TENT2: variants seen among roughly 807,000 people sequenced by gnomAD.
The protein encoded by TENT2 is poly(A) RNA polymerase GLD2.
In TENT2, 44 loss-of-function variants were observed where a neutral mutation model predicts 72.2. The ratio of observed to expected loss-of-function variants is 0.61; its 90% CI spans 0.48 to 0.78. TENT2 has a LOEUF of 0.78. Among genes scored for constraint, TENT2 ranks in the 30% least tolerant of loss-of-function variants. TENT2 has a pLI of 0.00. For missense variants in TENT2, 541 were observed against 569.6 expected (o/e 0.95, Z 0.51); for synonymous variants, 212 against 192.5 (o/e 1.10, Z -0.84).
In TENT2 at chr5:79,623,306, T is replaced by A; in HGVS notation, c.282T>A (p.His94Gln). 3 of 1,613,562 alleles carry A rather than the reference T, an allele frequency of 1.9e-6. No individual in the cohort carries two copies. The highest frequency in any genetic ancestry group is 2.5e-6 in the Non-Finnish European group (3 of 1,179,690). ...LPLDGKRQRFHSPHQEPTVVN... is the reference protein window; with the variant it reads ...LPLDGKRQRFQSPHQEPTVVN... Reference sequence around the variant, plus strand: ...TTGACGGTAAACGGCAACGTTTCCATTCACCCCACCAAGAGCCAACTGTAG... The same window carrying A: ...TTGACGGTAAACGGCAACGTTTCCAATCACCCCACCAAGAGCCAACTGTAG... Residue 94 changes from histidine (H) to glutamine (Q), a missense_variant, in exon 4 of 15, where the codon CAT becomes CAA. Physicochemically the swap from His to Gln is conservative, Grantham distance 24. Coordinates refer to ENST00000453514, the MANE Select transcript of TENT2 (RefSeq NM_001114394.3).
chr5:79,620,377 C>G (rs952432499), intron 3 of TENT2, among the ~76,000 whole-genome samples: 6 of 152,256 alleles, frequency 3.9e-5, no homozygotes, highest in Non-Finnish European at 7.4e-5. Flanking sequence ...CTCAGAAAAC[C>G]ACTTTTTAAT....
At chr5:79,628,447 C>G (rs531948605) in intron 4 of TENT2, among the ~76,000 whole-genome samples, 1 of 152,082 alleles carries the variant, frequency 6.6e-6, no homozygotes, top group East Asian at 1.9e-4. Flanking sequence ...TTAAATTCAC[C>G]CTGAAGATGG....
At chr5:79,623,518 C>T (rs757337866) in intron 4 of TENT2, 29 bp downstream of exon 4, 14 of 1,464,146 alleles carry the variant, frequency 9.6e-6, no homozygotes, top group Admixed American at 2.1e-5. Flanking sequence ...TTAGTTTTGC[C>T]TTTTGGGAAT....
chr5:79,657,188 G>A (rs1798559132), intron 11 of TENT2, among the ~76,000 whole-genome samples, 187 bp downstream of exon 11: 1 of 151,914 alleles, frequency 6.6e-6, no homozygotes, highest in Admixed American at 6.5e-5. Flanking sequence ...TTGTTATTTT[G>A]TTATTGGCAG....
Position 79,641,110 on chromosome 5 carries a change from A to G in TENT2, c.586A>G (p.Arg196Gly). The G allele has an allele frequency of 6.4e-7, 1 of 1,572,266 alleles. No individual in the cohort carries two copies. Among genetic ancestry groups the G allele is most frequent in the Non-Finnish European group, 8.6e-7 (1 of 1,168,216 alleles). The change falls in exon 6 of 15, where the codon AGA becomes GGA. Residue 196 changes from arginine (R) to glycine (G), a missense_variant. Coordinates refer to ENST00000453514, the MANE Select transcript of TENT2 (RefSeq NM_001114394.3). The stretch of plus-strand genomic sequence containing the variant: ...ACTTTCTTCTGTTTCTTTAGAAAGC[A>G]GACTTTTTTTGGTTGGGTCCTCTTT... Reference protein sequence around the residue: ...REIQLLFPQSRLFLVGSSLNG... With the variant: ...REIQLLFPQSGLFLVGSSLNG...
intron 12 of TENT2, among the ~76,000 whole-genome samples, chr5:79,674,296 C>T (rs1401946552): frequency 6.6e-6 from 1 of 152,132 alleles, no homozygotes; most frequent in Non-Finnish European, 1.5e-5. Flanking sequence ...GCAGGAGAAT[C>T]GCTTGAACTC....
At chr5:79,661,448 G>A (rs1252292254) in intron 11 of TENT2, among the ~76,000 whole-genome samples, 3 of 152,112 alleles carry the variant, frequency 2.0e-5, no homozygotes, top group Non-Finnish European at 4.4e-5. Flanking sequence ...ATAATAACAT[G>A]CTGTACAGGT....
At chr5:79,622,006 A>G (rs1303774892) in intron 3 of TENT2, among the ~76,000 whole-genome samples, 1 of 152,062 alleles carries the variant, frequency 6.6e-6, no homozygotes, top group African/African-American at 2.4e-5. Context: ...GGAGTGTTAA[A>G]AAACCTTCTA....
At chr5:79,684,550 C>G (rs932783374) in intron 14 of TENT2, among the ~76,000 whole-genome samples, 14 of 152,180 alleles carry the variant, frequency 9.2e-5, no homozygotes, top group African/African-American at 3.1e-4. Flanking sequence ...GACACTATAC[C>G]CAGTCTCATA....
At chr5:79,680,194 A>C (rs956607060) in intron 13 of TENT2, among the ~76,000 whole-genome samples, 1 of 152,224 alleles carries the variant, frequency 6.6e-6, no homozygotes, top group African/African-American at 2.4e-5. Context: ...ATAGATGCTA[A>C]ATTGAAGGCC....
chr5:79,645,030 G>T, intron 7 of TENT2, 93 bp from the exon 8 acceptor site: 1 of 937,798 alleles, frequency 1.1e-6, no homozygotes, highest in African/African-American at 1.7e-5. Flanking sequence ...AATTATTTTA[G>T]CTTAGTAAAT....
intron 4 of TENT2, among the ~76,000 whole-genome samples, chr5:79,628,294 T>C (rs1400864885): frequency 6.6e-6 from 1 of 152,220 alleles, no homozygotes; most frequent in East Asian, 1.9e-4. Context: ...TTTGAAGCCT[T>C]GAATGCACAG....
At chr5:79,668,575 G>A (rs771860957) in intron 11 of TENT2, 3 of 192,628 alleles carry the variant, frequency 1.6e-5, no homozygotes, top group Non-Finnish European at 3.2e-5. Context: ...AAATCTATAT[G>A]GTATTGGGTA....
At chr5:79,672,224 G>C (rs1459443595) in intron 12 of TENT2, among the ~76,000 whole-genome samples, 2 of 152,134 alleles carry the variant, frequency 1.3e-5, no homozygotes, top group Non-Finnish European at 2.9e-5. Flanking sequence ...GGGTATGTGA[G>C]ATATTTTGAT....
Position 79,645,143 on chromosome 5 carries a change from C to T in TENT2, c.772C>T (p.Gln258Ter). 1 of 1,607,848 alleles carries T rather than the reference C, an allele frequency of 6.2e-7. No individual in the cohort carries two copies. The highest frequency in any genetic ancestry group is 8.5e-7 in the Non-Finnish European group (1 of 1,177,290). ...TRLSGYIERP[Q>*]LIRAKVPIVK... is the part of the protein sequence containing the mutation. ...TTCAGCGGGCTACATTGAGAGACCT[C>T]AGCTGATTCGAGCAAAAGTGCCAAT... Residue 258 changes from glutamine to a stop codon, truncating the protein, a stop_gained, in exon 8 of 15, where the codon CAG becomes TAG. Coordinates refer to ENST00000453514, the MANE Select transcript of TENT2 (RefSeq NM_001114394.3). LOFTEE classifies it high-confidence loss of function.
At chr5:79,665,243 A>C (rs538143976) in intron 11 of TENT2, among the ~76,000 whole-genome samples, 2 of 152,290 alleles carry the variant, frequency 1.3e-5, no homozygotes, top group African/African-American at 4.8e-5. Context: ...TATCATTAGG[A>C]AATTATGCTT....
chr5:79,628,781 T>C (rs756909965), intron 4 of TENT2, among the ~76,000 whole-genome samples: 16 of 152,222 alleles, frequency 1.1e-4, no homozygotes, highest in Non-Finnish European at 2.1e-4. Context: ...ACTAATCATA[T>C]AGGGCTTATG....
At chr5:79,653,681 T>C (rs1309459872) in intron 10 of TENT2, among the ~76,000 whole-genome samples, 1 of 152,182 alleles carries the variant, frequency 6.6e-6, no homozygotes, top group African/African-American at 2.4e-5. Context: ...CCAGAGCTAA[T>C]GTGTATCTCT....
intron 12 of TENT2, among the ~76,000 whole-genome samples, chr5:79,669,294 A>G (rs1274361242): frequency 1.3e-5 from 2 of 152,160 alleles, no homozygotes; most frequent in Non-Finnish European, 2.9e-5. Context: ...GTTGATTTCA[A>G]TAGTGGTAGG....
Sources: allele counts gnomAD v4.1 joint callset (sites outside exome capture counted in the v4.1 genomes callset), GRCh38; gene constraint gnomAD v4.1.1; transcripts MANE v1.5; gene names NCBI Gene and HGNC (gene_info 2026-07-23, HGNC 2026-07-21).